CEP63: variants seen among roughly 807,000 people sequenced by gnomAD.
CEP63 encodes the protein centrosomal protein of 63 kDa.
A neutral mutation model predicts 89.1 loss-of-function variants in CEP63; 84 were observed. That is an observed-to-expected ratio of 0.94 (90% CI 0.79 to 1.13). The LOEUF (loss-of-function observed/expected upper bound fraction) is 1.13, where lower values mean the gene tolerates loss of function less well. Among genes scored for constraint, CEP63 ranks in the 50% most tolerant of loss-of-function variants. The probability of loss-of-function intolerance (pLI) is 0.00; values close to 1 mark genes in which losing one functional copy is unlikely to be tolerated. For synonymous variants in CEP63, 267 were observed against 272.5 expected (o/e 0.98, Z 0.20); for missense variants, 838 against 813.3 (o/e 1.03, Z -0.37).
chr3:134,526,718 C>T (rs1377437203), intron 3 of CEP63, among the ~76,000 whole-genome samples: 1 of 151,152 alleles, frequency 6.6e-6, no homozygotes, highest in Non-Finnish European at 1.5e-5. Context: ...ATTTCTTTCT[C>T]ATCTTTGTGG....
chr3:134,559,569 C>G (rs1226414983), intron 14 of CEP63, 140 bp downstream of exon 14: 4 of 738,496 alleles, frequency 5.4e-6, no homozygotes, highest in Admixed American at 2.8e-5. Context: ...TTAGGTATCC[C>G]TGTCATACAG....
chr3:134,659,368 C>T, the CEP63 span, among the ~76,000 whole-genome samples: 1 of 152,220 alleles, frequency 6.6e-6, no homozygotes, highest in African/African-American at 2.4e-5. Flanking sequence ...ATACCAGTCA[C>T]CTCCTTCTGT....
At chr3:134,558,108 C>G (rs758697861) in intron 12 of CEP63, 34 bp from the exon 13 acceptor site, 1 of 1,541,328 alleles carries the variant, frequency 6.5e-7, no homozygotes, top group Non-Finnish European at 9.0e-7. Flanking sequence ...TATTCTTGTA[C>G]AGATTAAGTG....
chr3:134,610,218 G>A, the CEP63 span: 6 of 1,613,426 alleles, frequency 3.7e-6, no homozygotes, highest in Non-Finnish European at 5.1e-6. Context: ...TGGAGGTGAT[G>A]GTGTCCACCA....
intron 11 of CEP63, among the ~76,000 whole-genome samples, chr3:134,571,857 C>T (rs1281394218): frequency 6.6e-6 from 1 of 152,182 alleles, no homozygotes; most frequent in Non-Finnish European, 1.5e-5. Context: ...TATCACCTAC[C>T]ATGCTTTTGA....
the CEP63 span, chr3:134,639,949 C>CAAAAAAAA: frequency 1.4e-4 from 7 of 49,654 alleles, no homozygotes; most frequent in Admixed American, 6.6e-4. Flanking sequence ...CACCCTGTCT[C>CAAAAAAAA]AAAAAAAAAA....
At chr3:134,629,600 G>A in the CEP63 span, 369 of 1,577,718 alleles carry the variant, frequency 2.3e-4, 1 homozygote, top group Non-Finnish European at 3.1e-4. Flanking sequence ...CCTCCACCAT[G>A]AGTACCTGTG....
chr3:134,590,194 A>G (rs1958572810), downstream of CEP63, among the ~76,000 whole-genome samples: 1 of 152,144 alleles, frequency 6.6e-6, no homozygotes, highest in Non-Finnish European at 1.5e-5. Context: ...ATGACACTCA[A>G]TTTACCTACA....
the CEP63 span, among the ~76,000 whole-genome samples, chr3:134,668,570 C>A: frequency 6.6e-6 from 1 of 152,114 alleles, no homozygotes; most frequent in Non-Finnish European, 1.5e-5. Flanking sequence ...CCTTGACCAT[C>A]AAGACAAGCC....
the CEP63 span, among the ~76,000 whole-genome samples, chr3:134,686,978 C>T: frequency 6.6e-6 from 1 of 152,166 alleles, no homozygotes; most frequent in Non-Finnish European, 1.5e-5. Flanking sequence ...GGGCCTTCCC[C>T]CAGAGCAAAA....
chr3:134,684,668 T>G, the CEP63 span, among the ~76,000 whole-genome samples: 1 of 152,256 alleles, frequency 6.6e-6, no homozygotes, highest in Non-Finnish European at 1.5e-5. Flanking sequence ...TCCTGGTTTG[T>G]GCCCATCTGT....
At chr3:134,752,841 C>A in the CEP63 span, among the ~76,000 whole-genome samples, 2 of 152,138 alleles carry the variant, frequency 1.3e-5, no homozygotes, top group African/African-American at 4.8e-5. Context: ...GGACCCTGAA[C>A]TGTTTGAAGC....
intron 1 of CEP63, among the ~76,000 whole-genome samples, chr3:134,493,288 A>T (rs905407028): frequency 1.3e-5 from 2 of 151,870 alleles, no homozygotes; most frequent in South Asian, 2.1e-4. Context: ...CATTTTGCAG[A>T]TGTTAAAACA....
chr3:134,652,626 A>G, the CEP63 span, among the ~76,000 whole-genome samples: 3 of 149,738 alleles, frequency 2.0e-5, no homozygotes, highest in Non-Finnish European at 3.0e-5. Flanking sequence ...TCCTGTCTGT[A>G]TGTGTGCAGG....
chr3:134,609,089 AG>A, the CEP63 span, among the ~76,000 whole-genome samples: 2 of 152,182 alleles, frequency 1.3e-5, no homozygotes, highest in African/African-American at 4.8e-5. Flanking sequence ...TAGGCTGTCG[AG>A]GGGAAAACTG....
intron 2 of CEP63, among the ~76,000 whole-genome samples, chr3:134,497,609 A>T (rs1940578162): frequency 6.6e-6 from 1 of 152,050 alleles, no homozygotes; most frequent in South Asian, 2.1e-4. Flanking sequence ...GCCTCAAGTG[A>T]TCCTCCTGCC....
chr3:134,647,300 G>T, the CEP63 span: 2 of 692,198 alleles, frequency 2.9e-6, no homozygotes, highest in Non-Finnish European at 4.9e-6. Context: ...TAGAGGCCTG[G>T]CTGGGTCAGG....
chr3:134,627,692 T>C, the CEP63 span: 1 of 1,439,112 alleles, frequency 6.9e-7, no homozygotes, highest in East Asian at 2.3e-5. Flanking sequence ...CAATTGGAGA[T>C]TAGTCTATGA....
At chr3:134,709,114 C>G in the CEP63 span, among the ~76,000 whole-genome samples, 778 of 152,256 alleles carry the variant, frequency 5.1e-3, 7 homozygotes, top group African/African-American at 0.018. Flanking sequence ...CCTTGATAGA[C>G]CTTTGGCGTA....
Sources: allele counts gnomAD v4.1 joint callset (sites outside exome capture counted in the v4.1 genomes callset), GRCh38; gene constraint gnomAD v4.1.1; transcripts MANE v1.5; gene names NCBI Gene and HGNC (gene_info 2026-07-23, HGNC 2026-07-21).